Variants in LCN6 observed in about 807,000 individuals in gnomAD.
The protein encoded by LCN6 is epididymal-specific lipocalin-6.
A neutral mutation model predicts 21.4 loss-of-function variants in LCN6; 20 were observed. The ratio of observed to expected loss-of-function variants is 0.93; its 90% CI spans 0.66 to 1.36. LCN6 has a LOEUF of 1.36. Ranked by LOEUF, LCN6 falls within the 40% of genes most tolerant of loss-of-function variation. The pLI, the probability that LCN6 is intolerant of heterozygous loss-of-function variation, is 0.00. For missense variants in LCN6, 217 were observed against 206.6 expected (o/e 1.05, Z -0.31); for synonymous variants, 96 against 89.0 (o/e 1.08, Z -0.44).
chr9:136,744,462 C>T lies in LCN6; in HGVS notation c.*23-98G>A, dbSNP rs897064359. ...CTCGCCTGCCGTGGGGACAAGACCC[C>T]CAGGCCTGACTTTGGGCAGGGGCAG... is the stretch of plus-strand genomic sequence containing the variant. On this transcript the variant is annotated intron_variant, in intron 5 of 6. Transcript: ENST00000341206. The surrounding 1 kb of genome is among the most constrained non-coding windows in gnomAD (Gnocchi z 4.2). 1.9e-6 allele frequency: 1 copy of T among 524,018 alleles called. No homozygotes were observed. The highest frequency in any genetic ancestry group is 3.5e-6 in the Non-Finnish European group (1 of 288,144). The allele number at this position is 524,018 out of a possible 1,614,324, so 32.5% of individuals were successfully genotyped here.
At chr9:136,745,641 G>T in intron 3 of LCN6, 2 of 615,682 alleles carry the variant, frequency 3.2e-6, no homozygotes, top group South Asian at 3.8e-5. Flanking sequence ...GACCTCACTG[G>T]TGTCTGAGCC....
In LCN6 at chr9:136,748,428, T is replaced by G. The variant is rs1847079307; in HGVS notation, c.56A>C (p.Gln19Pro). The G allele has an allele frequency of 6.2e-7, 1 of 1,612,954 alleles. No homozygotes were observed. Among genetic ancestry groups the G allele is most frequent in the Middle Eastern group, 1.6e-4 (1 of 6,062 alleles). Reference protein sequence around the residue: ...FLALVSVPRAQAVWLGRLDPE... With the variant: ...FLALVSVPRAPAVWLGRLDPE... ...GTCCAGTCTTCCCAACCACACGGCCTGGGCCCTGGGCACCGAGACCAAAGC... is the reference window on the plus strand; with the variant it reads ...GTCCAGTCTTCCCAACCACACGGCCGGGGCCCTGGGCACCGAGACCAAAGC... Residue 19 changes from glutamine to proline, a missense_variant, in exon 1 of 7, where the codon CAG (glutamine) becomes CCG (proline). Physicochemically the swap from Gln to Pro is moderately conservative, Grantham distance 76. Transcript: ENST00000341206.
intron 3 of LCN6, 158 bp downstream of exon 3, chr9:136,745,686 G>A (rs1588301237): frequency 8.5e-6 from 6 of 703,070 alleles, no homozygotes; most frequent in East Asian, 5.0e-5. Context: ...CTGTCCAGGG[G>A]CTTCTCTTCA....
Position 136,747,580 on chromosome 9 carries a change from C to T in LCN6, c.91-17G>A. 2 of 1,604,876 alleles carry T rather than the reference C, an allele frequency of 1.2e-6. No individual in the cohort carries two copies. Among genetic ancestry groups the T allele is most frequent in the Non-Finnish European group, 1.7e-6 (2 of 1,179,360 alleles). On this transcript the variant is annotated splice_polypyrimidine_tract_variant and intron_variant, in intron 1 of 6. Coordinates refer to ENST00000341206, the MANE Select transcript of LCN6 (RefSeq NM_198946.3). ...CCCAAGAAGCTGCATTGAGGCGGCT[C>T]CCGTTAGGGCCGCCAGCCCTCCAGC...
intron 4 of LCN6, 100 bp downstream of exon 4, chr9:136,745,070 G>A (rs1178155448): frequency 7.1e-6 from 7 of 981,914 alleles, no homozygotes; most frequent in Admixed American, 3.6e-5. Flanking sequence ...CTCCCCACGC[G>A]GCCCCCAAGC....
In LCN6 at chr9:136,744,754, G is replaced by A; in HGVS notation, c.413-13C>T. On this transcript the variant is annotated splice_polypyrimidine_tract_variant and intron_variant, in intron 4 of 6. Transcript: ENST00000341206. This position sits in a 1 kb window ranked among gnomAD's most constrained non-coding sequence, Gnocchi z 4.2. The stretch of plus-strand genomic sequence containing the variant: ...GTCTCCGTCAGACCTGGGGGCACCA[G>A]GGCAGTGCAGGGGGAAGCAACCTCT... 13 of 1,598,592 alleles carry A rather than the reference G, an allele frequency of 8.1e-6. No individual in the cohort carries two copies. The highest frequency in any genetic ancestry group is 1.1e-5 in the Non-Finnish European group (13 of 1,170,090).
At position 136,748,488 on chromosome 9, in the gene LCN6, C is replaced by A. The variant is rs1356370630; in HGVS notation, c.-5G>T. On this transcript the variant is annotated 5_prime_UTR_variant, in exon 1 of 7. Coordinates refer to ENST00000341206, the MANE Select transcript of LCN6 (RefSeq NM_198946.3). ...AGCCAGCAGCAGGCCGCCCATCCTC[C>A]CAGGTCTACACTGCGCCGCAGGCCC... is the stretch of plus-strand genomic sequence containing the variant. 1.2e-6 allele frequency: 2 copies of A among 1,612,748 alleles called. No homozygotes were observed. The highest frequency in any genetic ancestry group is 1.7e-6 in the Non-Finnish European group (2 of 1,179,760).
In LCN6 at chr9:136,744,795, G is replaced by A; in HGVS notation, c.413-54C>T. ...AGCAACCTCTGAGAGCTGGGGAGGG[G>A]CCGGGGAGGGGCTGGGAAGGGTCAG... On this transcript the variant is annotated intron_variant, in intron 4 of 6. Transcript: ENST00000341206. This position sits in a 1 kb window ranked among gnomAD's most constrained non-coding sequence, Gnocchi z 4.2. 2 of 1,279,622 alleles carry A rather than the reference G, an allele frequency of 1.6e-6. No homozygotes were observed. Among genetic ancestry groups the A allele is most frequent in the East Asian group, 2.4e-5 (1 of 41,170 alleles). 79.3% of individuals were successfully genotyped at this position (1,279,622 alleles called of 1,614,324 possible).
chr9:136,746,362 G>T lies in LCN6; in HGVS notation c.231-448C>A, dbSNP rs1368044844. On this transcript the variant is annotated intron_variant, in intron 2 of 6. Coordinates refer to ENST00000341206, the MANE Select transcript of LCN6 (RefSeq NM_198946.3). ...AGGGGAAGGATGGGGTGGGGTGGGGGTTCGCCTGCGACTCAGGGGAAGGAT... is the reference window on the plus strand; with the variant it reads ...AGGGGAAGGATGGGGTGGGGTGGGGTTTCGCCTGCGACTCAGGGGAAGGAT... Among the ~76,000 whole-genome samples the T allele has an allele frequency of 4.4e-3, 291 of 66,784 alleles. 2 individuals are homozygous for T. The highest frequency in any genetic ancestry group is 0.017 in the African/African-American group (274 of 16,262). 43.8% of individuals were successfully genotyped at this position (66,784 alleles called of 152,430 possible). A position where few individuals can be genotyped will look rare whatever the true frequency, so the allele number is the denominator to read the frequency against.
chr9:136,744,856 T>C lies in LCN6; in HGVS notation c.413-115A>G. ...ACCTGCCCTGGGATGCTGGCCCCGG[T>C]CCTTCCAAAGCCACCTCCAGTGCAG... On this transcript the variant is annotated intron_variant, in intron 4 of 6. Transcript: ENST00000341206. This position sits in a 1 kb window ranked among gnomAD's most constrained non-coding sequence, Gnocchi z 4.2. 1 of 781,400 alleles carries C rather than the reference T, an allele frequency of 1.3e-6. No individual in the cohort carries two copies. The highest frequency in any genetic ancestry group is 2.1e-6 in the Non-Finnish European group (1 of 471,440). The allele number at this position is 781,400 out of a possible 1,614,324, so 48.4% of individuals were successfully genotyped here. A position where few individuals can be genotyped will look rare whatever the true frequency, so the allele number is the denominator to read the frequency against.
rs1847007359 is a variant in LCN6, at chr9:136,744,575, T to C, written c.*22+65A>G. The stretch of plus-strand genomic sequence containing the variant: ...CAACCCCAGGGTCTCTGTCACCCCA[T>C]CACGCCCTGTGGGCTCCAGAACTTG... On this transcript the variant is annotated intron_variant, in intron 5 of 6. Coordinates refer to ENST00000341206, the MANE Select transcript of LCN6 (RefSeq NM_198946.3). The surrounding 1 kb of genome is among the most constrained non-coding windows in gnomAD (Gnocchi z 4.2). 2.0e-6 allele frequency: 2 copies of C among 1,015,288 alleles called. No homozygotes were observed. Among genetic ancestry groups the C allele is most frequent in the South Asian group, 2.8e-5 (2 of 71,186 alleles). 62.9% of individuals were successfully genotyped at this position (1,015,288 alleles called of 1,614,324 possible). A position where few individuals can be genotyped will look rare whatever the true frequency, so the allele number is the denominator to read the frequency against.
intron 1 of LCN6, 129 bp downstream of exon 1, chr9:136,748,265 G>A: frequency 1.3e-6 from 1 of 782,378 alleles, no homozygotes; most frequent in Non-Finnish European, 2.1e-6. Flanking sequence ...CTCCCCAAGG[G>A]CTGGCCCAAC....
rs1247363297 is a variant in LCN6, at chr9:136,747,674, C to G, written c.91-111G>C. ...TCCAAACCTCCAGCCTCAGCCTCCA[C>G]CCTCCAACCATCCAGCCCTCCAGCC... On this transcript the variant is annotated intron_variant, in intron 1 of 6. Transcript: ENST00000341206. 1.0e-3 allele frequency: 830 copies of G among 822,872 alleles called. 27 individuals carry two copies. In the African/African-American group the frequency reaches 0.019, roughly 19 times the overall value. The allele number at this position is 822,872 out of a possible 1,614,324, so 51.0% of individuals were successfully genotyped here.
At chr9:136,746,125 G>A (rs1847033583) in intron 2 of LCN6, 3 of 570,012 alleles carry the variant, frequency 5.3e-6, no homozygotes, top group Admixed American at 3.0e-5. Context: ...CACTTCCTGA[G>A]AGATCCTCAG....
Position 136,747,558 on chromosome 9 carries a change from A to G in LCN6, c.96T>C (p.Leu32=). 6.2e-7 allele frequency: 1 copy of G among 1,610,650 alleles called. No homozygotes were observed. The highest frequency in any genetic ancestry group is 8.5e-7 in the Non-Finnish European group (1 of 1,179,732). The change falls in exon 2 of 7, where the codon CTT becomes CTC. Residue 32 remains leucine (L), a synonymous_variant. Transcript: ENST00000341206. ...WLGRLDPEQL[L]GPWYVLAVAS... is the part of the protein sequence containing the mutation. ...CCACCGCAAGCACGTACCAGGGCCC[A>G]AGAAGCTGCATTGAGGCGGCTCCCG... is the stretch of plus-strand genomic sequence containing the variant.
At chr9:136,747,682 C>A (rs1469633693) in intron 1 of LCN6, 119 bp from the exon 2 acceptor site, 6 of 777,648 alleles carry the variant, frequency 7.7e-6, no homozygotes, top group African/African-American at 6.6e-5. Context: ...CACCCTCCAA[C>A]CATCCAGCCC....
chr9:136,746,330 G>A (rs868134681), intron 2 of LCN6, among the ~76,000 whole-genome samples: 1,486 of 119,086 alleles, frequency 0.012, 52 homozygotes, highest in African/African-American at 0.047. Flanking sequence ...GGGTTCGCCC[G>A]TGACTCAGGG....
intron 2 of LCN6, 53 bp from the exon 3 acceptor site, chr9:136,745,967 TGA>T (rs1847031719): frequency 6.5e-7 from 1 of 1,536,796 alleles, no homozygotes; most frequent in Non-Finnish European, 9.0e-7. Context: ...CGGGGCCCGG[TGA>T]GAGGAGACGG....
At position 136,746,621 on chromosome 9, in the gene LCN6, C is replaced by T. The variant is rs552894420; in HGVS notation, c.231-707G>A. Among the ~76,000 whole-genome samples the T allele has an allele frequency of 1.6e-4, 25 of 151,910 alleles. No homozygotes were observed. The East Asian group carries it at 4.5e-3, about 27-fold the overall frequency. On this transcript the variant is annotated intron_variant, in intron 2 of 6. Coordinates refer to ENST00000341206, the MANE Select transcript of LCN6 (RefSeq NM_198946.3). ...GCTCGCCCTGAGGCCAGGCCTGGCCCGGGGGGTGCAGTGGGGCCCCTGCCC... is the reference window on the plus strand; with the variant it reads ...GCTCGCCCTGAGGCCAGGCCTGGCCTGGGGGGTGCAGTGGGGCCCCTGCCC...
Sources: gnomAD v4.1 joint callset for allele counts (sites outside exome capture counted in the v4.1 genomes callset) on GRCh38, gnomAD v4.1.1 for gene constraint, Gnocchi (gnomAD v3.1) non-coding constraint, MANE v1.5 for transcripts, NCBI Gene and HGNC (gene_info 2026-07-23, HGNC 2026-07-21) for gene names.